CADPS2: variants seen among roughly 807,000 people sequenced by gnomAD.
CADPS2 encodes calcium-dependent secretion activator 2.
A neutral mutation model predicts 172.5 loss-of-function variants in CADPS2; 93 were observed. The observed-to-expected ratio is 0.54, with a 90% CI of 0.46 to 0.64. The LOEUF (loss-of-function observed/expected upper bound fraction) is 0.64. Among genes scored for constraint, CADPS2 ranks in the 30% least tolerant of loss-of-function variants. The pLI is 0.00. For missense variants in CADPS2, 1,420 were observed against 1,565.9 expected, an observed-to-expected ratio of 0.91 and a Z score of 1.57; for synonymous variants, 546 against 555.2, an observed-to-expected ratio of 0.98 and a Z score of 0.23.
chr7:122,376,101 T>C (rs1024961581), intron 25 of CADPS2, among the ~76,000 whole-genome samples: 1 of 152,098 alleles, frequency 6.6e-6, no homozygotes, highest in African/African-American at 2.4e-5. Context: ...TTAGTGAGAA[T>C]GTGAAGAAAA....
intron 1 of CADPS2, among the ~76,000 whole-genome samples, chr7:122,794,947 A>C (rs2139776748): frequency 6.6e-6 from 1 of 152,174 alleles, no homozygotes; most frequent in South Asian, 2.1e-4. Context: ...ACATACCAGA[A>C]TCTCTGGGAC....
chr7:122,557,371 C>A (rs1057048426), intron 7 of CADPS2, among the ~76,000 whole-genome samples: 12 of 152,122 alleles, frequency 7.9e-5, no homozygotes. Context: ...TGGGACACTT[C>A]CTTGGCAGGG....
At chr7:122,741,991 A>T (rs1336065601) in intron 1 of CADPS2, among the ~76,000 whole-genome samples, 1 of 152,216 alleles carries the variant, frequency 6.6e-6, no homozygotes, top group African/African-American at 2.4e-5. Flanking sequence ...CCAGTTTGCC[A>T]TAAAATCACC....
intron 1 of CADPS2, among the ~76,000 whole-genome samples, chr7:122,853,815 G>T (rs1282885065): frequency 6.6e-6 from 1 of 152,202 alleles, no homozygotes; most frequent in African/African-American, 2.4e-5. Context: ...GGAGCGAAAA[G>T]CGGATGTGGG....
intron 1 of CADPS2, among the ~76,000 whole-genome samples, chr7:122,823,186 T>C (rs1268860095): frequency 6.6e-6 from 1 of 152,194 alleles, no homozygotes. Context: ...GCAAGGAGTA[T>C]ACTCCAAAAA....
In CADPS2 at chr7:122,412,300, G is replaced by T. The variant is rs567532010; in HGVS notation, c.2589+1768C>A. Among the ~76,000 whole-genome samples, 10 of 152,252 alleles carry T rather than the reference G, an allele frequency of 6.6e-5. No individual in the cohort carries two copies. The East Asian group carries it at 1.5e-3, about 23-fold the overall frequency. On this transcript the variant is annotated intron_variant, in intron 19 of 29. Transcript: ENST00000449022. The stretch of plus-strand genomic sequence containing the variant: ...AGTTGGTCGACAGGAAATCGATTTT[G>T]TTCATGGTCAATTATTTTGCATAAC...
intron 6 of CADPS2, among the ~76,000 whole-genome samples, chr7:122,613,183 T>C (rs1296298457): frequency 6.6e-6 from 1 of 151,936 alleles, no homozygotes; most frequent in Non-Finnish European, 1.5e-5. Context: ...AAAAAATAAA[T>C]TAAACTTCAT....
intron 20 of CADPS2, among the ~76,000 whole-genome samples, chr7:122,395,977 T>G (rs1165404802): frequency 6.6e-6 from 1 of 152,044 alleles, no homozygotes; most frequent in East Asian, 1.9e-4. Context: ...GCCCAGCTAA[T>G]TTTTGTATTT....
At chr7:122,665,945 C>T (rs1423870817) in intron 2 of CADPS2, among the ~76,000 whole-genome samples, 1 of 152,074 alleles carries the variant, frequency 6.6e-6, no homozygotes, top group Admixed American at 6.6e-5. Context: ...GTATCAAAGA[C>T]AATGAAATTG....
intron 6 of CADPS2, among the ~76,000 whole-genome samples, chr7:122,601,723 T>A (rs949256911): frequency 3.9e-5 from 6 of 152,152 alleles, no homozygotes; most frequent in Non-Finnish European, 5.9e-5. Context: ...ATAGACGTAC[T>A]CTTCCCAGGA....
chr7:122,362,487 T>C lies in CADPS2; in HGVS notation c.3388-1474A>G, dbSNP rs116603429. On this transcript the variant is annotated intron_variant, in intron 25 of 29. Transcript: ENST00000449022. Reference sequence around the variant, plus strand: ...TGGTTTACATTTCTAAAACTTTATATTTCTATGAAATAAAAAAACACATAC... The same window carrying C: ...TGGTTTACATTTCTAAAACTTTATACTTCTATGAAATAAAAAAACACATAC... Among the ~76,000 whole-genome samples the C allele has an allele frequency of 3.3e-3, 507 of 152,002 alleles. 1 individual carries two copies. Among genetic ancestry groups the C allele is most frequent in the African/African-American group, 0.012 (480 of 41,294 alleles).
At chr7:122,357,693 G>GTT (rs940595758) in intron 27 of CADPS2, among the ~76,000 whole-genome samples, 5 of 152,222 alleles carry the variant, frequency 3.3e-5, no homozygotes, top group Non-Finnish European at 7.4e-5. Flanking sequence ...AGTCTTTATA[G>GTT]TTTTGCCTTT....
chr7:122,451,905 G>A (rs1053367590), intron 14 of CADPS2, among the ~76,000 whole-genome samples: 1 of 152,126 alleles, frequency 6.6e-6, no homozygotes, highest in African/African-American at 2.4e-5. Context: ...CAGAACTGGA[G>A]ATTTAATTGT....
At chr7:122,466,519 C>T (rs2055158057) in intron 14 of CADPS2, among the ~76,000 whole-genome samples, 1 of 152,166 alleles carries the variant, frequency 6.6e-6, no homozygotes, top group African/African-American at 2.4e-5. Context: ...GAGGCACTGA[C>T]TCAGTGCTCT....
At chr7:122,395,380 C>T (rs2044943444) in intron 20 of CADPS2, 1 of 152,100 alleles carries the variant, frequency 6.6e-6, no homozygotes. Flanking sequence ...TATGCTAAAA[C>T]ATTTCCCATT....
At chr7:122,580,396 T>A (rs2068641365) in intron 7 of CADPS2, among the ~76,000 whole-genome samples, 2 of 148,950 alleles carry the variant, frequency 1.3e-5, no homozygotes, top group South Asian at 4.2e-4. Flanking sequence ...TGGGTTGCAA[T>A]GAGCCGAGGT....
intron 11 of CADPS2, among the ~76,000 whole-genome samples, chr7:122,483,794 T>A (rs1226201673): frequency 1.3e-5 from 2 of 152,108 alleles, no homozygotes; most frequent in Non-Finnish European, 2.9e-5. Context: ...AAGGGTATAC[T>A]TTAAATTCTA....
At chr7:122,587,808 G>GA (rs1169268122) in intron 6 of CADPS2, among the ~76,000 whole-genome samples, 2 of 152,092 alleles carry the variant, frequency 1.3e-5, no homozygotes, top group East Asian at 3.9e-4. Context: ...CACAATGGTT[G>GA]AACTAATTTA....
At chr7:122,661,395 A>T (rs937606726) in intron 3 of CADPS2, among the ~76,000 whole-genome samples, 1 of 152,174 alleles carries the variant, frequency 6.6e-6, no homozygotes, top group African/African-American at 2.4e-5. Context: ...GACAACTTAA[A>T]CATATTTTAA....
Sources: gnomAD v4.1 joint callset for allele counts (sites outside exome capture counted in the v4.1 genomes callset) on GRCh38, gnomAD v4.1.1 for gene constraint, MANE v1.5 for transcripts, NCBI Gene and HGNC (gene_info 2026-07-23, HGNC 2026-07-21) for gene names.